Variants in EDA observed in about 807,000 individuals in gnomAD.
EDA encodes the protein ectodysplasin A, also known as ectodysplasin-A.
Under a neutral mutation model 23.6 loss-of-function variants are expected in EDA, and 2 were observed. The ratio of observed to expected loss-of-function variants is 0.08; its 90% CI spans 0.03 to 0.27. EDA has a LOEUF of 0.27. Among genes scored for constraint, EDA ranks in the 10% least tolerant of loss-of-function variants. The pLI is 1.00. For synonymous variants in EDA, 131 were observed against 132.0 expected, an observed-to-expected ratio of 0.99 and a Z score of 0.05; for missense variants, 229 against 324.2, an observed-to-expected ratio of 0.71 and a Z score of 2.26.
chrX:69,914,308 T>G (rs1386954253), intron 1 of EDA, among the ~76,000 whole-genome samples: 1 of 111,786 alleles, frequency 8.9e-6, no homozygotes, highest in Non-Finnish European at 1.9e-5. Flanking sequence ...GGAGCCATCC[T>G]GTAATATATC....
At chrX:70,020,006 A>G (rs2020007899) in intron 2 of EDA, among the ~76,000 whole-genome samples, 1 of 112,027 alleles carries the variant, frequency 8.9e-6, no homozygotes, top group African/African-American at 3.2e-5. Flanking sequence ...CTTACACTGT[A>G]TGCCAAAATC....
intron 1 of EDA, among the ~76,000 whole-genome samples, chrX:69,808,296 A>G (rs749947515): frequency 1.8e-5 from 2 of 111,879 alleles, no homozygotes; most frequent in South Asian, 7.6e-4. Context: ...GAATAGTCCC[A>G]TATGGCAGAG....
intron 1 of EDA, among the ~76,000 whole-genome samples, chrX:69,706,083 A>G (rs1197308374): frequency 1.8e-5 from 2 of 112,331 alleles, no homozygotes; most frequent in Non-Finnish European, 1.9e-5. Flanking sequence ...ACAGCCTTAT[A>G]AATGGAGATT....
intron 1 of EDA, among the ~76,000 whole-genome samples, chrX:69,940,905 T>C (rs1350683947): frequency 8.9e-6 from 1 of 111,971 alleles, no homozygotes; most frequent in Non-Finnish European, 1.9e-5. Flanking sequence ...TGTAGGTGCT[T>C]ATTGTTATAA....
intron 1 of EDA, among the ~76,000 whole-genome samples, chrX:69,751,503 T>C: frequency 8.9e-6 from 1 of 111,969 alleles, no homozygotes; most frequent in East Asian, 2.8e-4. Flanking sequence ...GTCTTGGCAA[T>C]GTGGGCTCCT....
At chrX:69,789,293 C>T (rs1482856131) in intron 1 of EDA, among the ~76,000 whole-genome samples, 2 of 112,312 alleles carry the variant, frequency 1.8e-5, no homozygotes, top group South Asian at 3.7e-4. Flanking sequence ...GGAGCTGTTC[C>T]TATTCGGCCA....
chrX:69,860,829 T>C (rs1336560626), intron 1 of EDA: 2 of 522,317 alleles, frequency 3.8e-6, no homozygotes. Context: ...GTTTTCCAAG[T>C]TGGTTCTATT....
At chrX:69,809,018 C>T (rs2015879283) in intron 1 of EDA, among the ~76,000 whole-genome samples, 1 of 111,500 alleles carries the variant, frequency 9.0e-6, no homozygotes, top group South Asian at 3.8e-4. Flanking sequence ...TCTTGTACGC[C>T]TTGTTTCTAT....
At chrX:69,844,244 T>C (rs1348577359) in intron 1 of EDA, among the ~76,000 whole-genome samples, 1 of 111,850 alleles carries the variant, frequency 8.9e-6, no homozygotes, top group Non-Finnish European at 1.9e-5. Flanking sequence ...TGAGAAAAAC[T>C]CAAATCATCT....
chrX:69,912,377 T>C (rs2018278848), intron 1 of EDA, among the ~76,000 whole-genome samples: 1 of 111,830 alleles, frequency 8.9e-6, no homozygotes, highest in South Asian at 3.7e-4. Flanking sequence ...GTGAATCCTT[T>C]CTGGAAGGTT....
At chrX:69,708,439 C>A (rs997490579) in intron 1 of EDA, among the ~76,000 whole-genome samples, 1 of 110,874 alleles carries the variant, frequency 9.0e-6, no homozygotes, top group Admixed American at 9.7e-5. Flanking sequence ...GGTTTTAGTT[C>A]ATCAGTTCAT....
chrX:69,914,213 A>G (rs1207875389), intron 1 of EDA, among the ~76,000 whole-genome samples: 1 of 112,051 alleles, frequency 8.9e-6, no homozygotes, highest in African/African-American at 3.2e-5. Flanking sequence ...TGTGTGAAGC[A>G]TATTAAAGCT....
intron 1 of EDA, among the ~76,000 whole-genome samples, chrX:69,932,653 G>C (rs985850659): frequency 2.7e-5 from 3 of 111,271 alleles, no homozygotes; most frequent in Non-Finnish European, 3.8e-5. Context: ...TATCTTATGA[G>C]TAATACATGC....
At chrX:69,958,647 A>G (rs1197057913) in intron 2 of EDA, among the ~76,000 whole-genome samples, 1 of 111,614 alleles carries the variant, frequency 9.0e-6, no homozygotes, top group Non-Finnish European at 1.9e-5. Context: ...CATTTTGCAT[A>G]CAATTGATGA....
In EDA at chrX:69,952,847, G is replaced by A. The variant is rs143931087; in HGVS notation, c.397-4180G>A. On this transcript the variant is annotated intron_variant, in intron 1 of 7. Coordinates refer to ENST00000374552, the MANE Select transcript of EDA (RefSeq NM_001399.5). The stretch of plus-strand genomic sequence containing the variant: ...TAATGCCACCACTAGGATGCAGGAA[G>A]GTGCTAGGGCCCCTGCCAGAACTCC... Among the ~76,000 whole-genome samples, 504 of 112,199 alleles carry A rather than the reference G, an allele frequency of 4.5e-3. 2 individuals carry two copies. Among genetic ancestry groups the A allele is most frequent in the African/African-American group, 0.015 (466 of 30,956 alleles).
chrX:69,699,086 G>A (rs2011458159), intron 1 of EDA, among the ~76,000 whole-genome samples: 1 of 111,152 alleles, frequency 9.0e-6, no homozygotes, highest in Non-Finnish European at 1.9e-5. Flanking sequence ...GTGGCGGAGG[G>A]ACCCCTGGGG....
chrX:69,721,653 G>T (rs1184241921), intron 1 of EDA, among the ~76,000 whole-genome samples: 1 of 111,085 alleles, frequency 9.0e-6, no homozygotes, highest in African/African-American at 3.3e-5. Context: ...ATGAGCCCAC[G>T]TGGGCTGATC....
intron 1 of EDA, among the ~76,000 whole-genome samples, chrX:69,666,393 G>GT (rs1370624300): frequency 1.8e-5 from 2 of 112,645 alleles, no homozygotes; most frequent in Admixed American, 1.9e-4. Context: ...TGGACAAGCT[G>GT]TAAGTTTCTC....
intron 1 of EDA, among the ~76,000 whole-genome samples, chrX:69,740,462 A>G (rs929411746): frequency 2.7e-5 from 3 of 111,464 alleles, no homozygotes; most frequent in African/African-American, 9.7e-5. Context: ...TTACCTTGAA[A>G]ATATCACTCT....
Sources: gnomAD v4.1 joint callset for allele counts (sites outside exome capture counted in the v4.1 genomes callset) on GRCh38, gnomAD v4.1.1 for gene constraint, MANE v1.5 for transcripts, NCBI Gene and HGNC (gene_info 2026-07-23, HGNC 2026-07-21) for gene names.